The following SMARCA1 variants were observed in gnomAD, a reference collection of about 807,000 sequenced individuals.
The protein encoded by SMARCA1 is SWI/SNF-related matrix-associated actin-dependent regulator of chromatin subfamily A member 1.
Under a neutral mutation model 93.6 loss-of-function variants are expected in SMARCA1, and 17 were observed. The ratio of observed to expected loss-of-function variants is 0.18; its 90% CI spans 0.12 to 0.27. The LOEUF (loss-of-function observed/expected upper bound fraction) is 0.27. SMARCA1 is among the 10% of genes least tolerant of loss of function. The pLI is 1.00. For synonymous variants in SMARCA1, 271 were observed against 271.4 expected (o/e 1.00, Z 0.01); for missense variants, 630 against 819.0 (o/e 0.77, Z 2.82).
In SMARCA1 at chrX:129,511,905, C is replaced by T. The variant is rs768566024; in HGVS notation, c.709G>A (p.Val237Ile). 10 of 1,205,568 alleles carry T rather than the reference C, an allele frequency of 8.3e-6. No homozygotes were observed. In the South Asian group the frequency reaches 8.9e-5, roughly 11 times the overall value. ...HYRNIPGPHMVLVPKSTLHNW... is the reference protein window; with the variant it reads ...HYRNIPGPHMILVPKSTLHNW... ...TGTAAAGTAGACTTTGGAACTAAAACCATGTGAGGTCCAGGAATATTTCGG... is the reference window on the plus strand; with the variant it reads ...TGTAAAGTAGACTTTGGAACTAAAATCATGTGAGGTCCAGGAATATTTCGG... Residue 237 changes from valine (V) to isoleucine (I), a missense_variant, in exon 6 of 25, where the codon GTT becomes ATT. By Grantham distance (29) the Val-to-Ile change is conservative. Transcript: ENST00000371121.
intron 19 of SMARCA1, among the ~76,000 whole-genome samples, chrX:129,475,214 C>T (rs760203555): frequency 2.8e-4 from 30 of 108,684 alleles, no homozygotes; most frequent in African/African-American, 9.7e-4. Context: ...TTTCAAAGTA[C>T]TACATTATGA....
intron 17 of SMARCA1, among the ~76,000 whole-genome samples, chrX:129,482,192 G>A (rs1440758793): frequency 1.6e-5 from 1 of 63,403 alleles, no homozygotes; most frequent in Admixed American, 2.2e-4. Context: ...GGGGTGGGGG[G>A]AGGGGGGAGG....
At chrX:129,504,700 T>A in intron 9 of SMARCA1, 34 bp downstream of exon 9, 1 of 1,022,263 alleles carries the variant, frequency 9.8e-7, no homozygotes, top group Non-Finnish European at 1.4e-6. Context: ...GTATACTATT[T>A]AATTACTGAA....
At chrX:129,477,678 T>C (rs1357743975) in intron 19 of SMARCA1, among the ~76,000 whole-genome samples, 1 of 111,761 alleles carries the variant, frequency 8.9e-6, no homozygotes, top group Non-Finnish European at 1.9e-5. Context: ...AAAATAAGGA[T>C]GTAGTTCAAA....
chrX:129,479,985 A>G (rs1016340623), intron 19 of SMARCA1, among the ~76,000 whole-genome samples: 2 of 112,019 alleles, frequency 1.8e-5, no homozygotes, highest in African/African-American at 6.5e-5. Flanking sequence ...GGCATGAGCC[A>G]CTGCACCCGG....
intron 23 of SMARCA1, among the ~76,000 whole-genome samples, chrX:129,454,097 T>C (rs1932459876): frequency 9.0e-6 from 1 of 111,499 alleles, no homozygotes; most frequent in Non-Finnish European, 1.9e-5. Flanking sequence ...AACAGATATA[T>C]AGACCAATGG....
At chrX:129,475,816 T>C (rs1339252336) in intron 19 of SMARCA1, among the ~76,000 whole-genome samples, 2 of 112,262 alleles carry the variant, frequency 1.8e-5, no homozygotes, top group African/African-American at 6.5e-5. Context: ...CTGAATTAAA[T>C]GTGACACCAC....
intron 21 of SMARCA1, among the ~76,000 whole-genome samples, chrX:129,467,705 C>T (rs1932953261): frequency 9.0e-6 from 1 of 110,605 alleles, no homozygotes; most frequent in African/African-American, 3.3e-5. Context: ...CACTAGCATG[C>T]TAGATAAATT....
rs748089930 is a variant in SMARCA1, at chrX:129,490,147, G to A, written c.1861C>T (p.Arg621Cys). The change falls in exon 15 of 25, where the codon CGT becomes TGT. Residue 621 changes from arginine to cysteine, a missense_variant. Arg to Cys is a radical substitution (Grantham distance 180). Coordinates refer to ENST00000371121, the MANE Select transcript of SMARCA1 (RefSeq NM_001282874.2). ...TCAACAGTGTTGTCAGTGATGAGACGGAATACACGTACTGGTTTCTTCTGA... is the reference window on the plus strand; with the variant it reads ...TCAACAGTGTTGTCAGTGATGAGACAGAATACACGTACTGGTTTCTTCTGA... ...IGQKKPVRVFRLITDNTVEER... is the reference protein window; with the variant it reads ...IGQKKPVRVFCLITDNTVEER... 4 of 1,189,931 alleles carry A rather than the reference G, an allele frequency of 3.4e-6. No individual in the cohort carries two copies. In the Admixed American group the frequency reaches 6.5e-5, roughly 19 times the overall value.
At chrX:129,467,682 G>A (rs1932952336) in intron 21 of SMARCA1, among the ~76,000 whole-genome samples, 2 of 109,985 alleles carry the variant, frequency 1.8e-5, no homozygotes, top group Admixed American at 2.0e-4. Flanking sequence ...AATTAAATCT[G>A]GATTTCTTCA....
Position 129,447,112 on chromosome X carries a change from A to G in SMARCA1, c.*50T>C. The G allele has an allele frequency of 9.6e-7, 1 of 1,037,628 alleles. No individual in the cohort carries two copies. The highest frequency in any genetic ancestry group is 1.9e-5 in the African/African-American group (1 of 53,910). The allele number at this position is 1,037,628 out of a possible 1,213,427, so 85.5% of individuals were successfully genotyped here. On this transcript the variant is annotated 3_prime_UTR_variant, in exon 25 of 25. Coordinates refer to ENST00000371121, the MANE Select transcript of SMARCA1 (RefSeq NM_001282874.2). ...TGGAACTGGCAATTAGCATTTGAAGATGGGAACAAGAAAATAGCAGTTTCC... is the reference window on the plus strand; with the variant it reads ...TGGAACTGGCAATTAGCATTTGAAGGTGGGAACAAGAAAATAGCAGTTTCC...
Position 129,523,251 on chromosome X carries a change from G to A in SMARCA1, c.120C>T (p.Ala40=). 1 of 1,210,588 alleles carries A rather than the reference G, an allele frequency of 8.3e-7. No homozygotes were observed. Among genetic ancestry groups the A allele is most frequent in the South Asian group, 1.8e-5 (1 of 56,953 alleles). ...GPSTSQEEGA[A]AAATEATAAT... Reference sequence around the variant, plus strand: ...CCGCGGTGGCTTCGGTGGCCGCGGCGGCCGCTCCCTCCTCCTGAGAGGTGG... The same window carrying A: ...CCGCGGTGGCTTCGGTGGCCGCGGCAGCCGCTCCCTCCTCCTGAGAGGTGG... Residue 40 remains alanine, a synonymous_variant, in exon 1 of 25, where the codon GCC becomes GCT. Coordinates refer to ENST00000371121, the MANE Select transcript of SMARCA1 (RefSeq NM_001282874.2).
chrX:129,505,304 A>G (rs1016238778), intron 8 of SMARCA1, among the ~76,000 whole-genome samples: 1 of 111,296 alleles, frequency 9.0e-6, no homozygotes, highest in African/African-American at 3.3e-5. Flanking sequence ...TGAGGTCAGG[A>G]GTTCGAGACC....
chrX:129,518,978 T>C (rs1225170165), intron 1 of SMARCA1, among the ~76,000 whole-genome samples: 3 of 111,954 alleles, frequency 2.7e-5, no homozygotes, highest in Non-Finnish European at 3.8e-5. Flanking sequence ...TTTTATGTAA[T>C]GCAATGTGAT....
rs190087710 is a variant in SMARCA1, at chrX:129,477,760, T to G, written c.2442+2941A>C. Among the ~76,000 whole-genome samples the G allele has an allele frequency of 1.2e-3, 138 of 111,018 alleles. 1 individual carries two copies. The highest frequency in any genetic ancestry group is 4.0e-3 in the African/African-American group (123 of 30,527). On this transcript the variant is annotated intron_variant, in intron 19 of 24. Transcript: ENST00000371121. ...ATAAGTAACACATGTAAGGACTAAGTATCTGCTATTAGTATTACTTTACCA... is the reference window on the plus strand; with the variant it reads ...ATAAGTAACACATGTAAGGACTAAGGATCTGCTATTAGTATTACTTTACCA...
chrX:129,500,175 G>C (rs1360597575), intron 9 of SMARCA1, among the ~76,000 whole-genome samples: 1 of 109,177 alleles, frequency 9.2e-6, no homozygotes, highest in Non-Finnish European at 1.9e-5. Flanking sequence ...TTGTTTGTTT[G>C]TTTGTTTTTG....
In SMARCA1 at chrX:129,465,658, C is replaced by T; in HGVS notation, c.2892G>A (p.Glu964=). 1.7e-6 allele frequency: 2 copies of T among 1,203,041 alleles called. No individual in the cohort carries two copies. Among genetic ancestry groups the T allele is most frequent in the Non-Finnish European group, 2.2e-6 (2 of 889,224 alleles). Residue 964 remains glutamate, a synonymous_variant, in exon 23 of 25, where the codon GAG becomes GAA. Coordinates refer to ENST00000371121, the MANE Select transcript of SMARCA1 (RefSeq NM_001282874.2). ...TACAAATCAAGAATCTATCTTCTTCCTCAGTATAGTTCTTTCCTTTGCTGG... is the reference window on the plus strand; with the variant it reads ...TACAAATCAAGAATCTATCTTCTTCTTCAGTATAGTTCTTTCCTTTGCTGG... The part of the protein sequence containing the change: ...YGTSKGKNYT[E]EEDRFLICML...
In SMARCA1 at chrX:129,487,463, T is replaced by G. The variant is rs1333195436; in HGVS notation, c.2098-326A>C. Among the ~76,000 whole-genome samples, 6 of 112,816 alleles carry G rather than the reference T, an allele frequency of 5.3e-5. No homozygotes were observed. In the Admixed American group the frequency reaches 5.6e-4, roughly 11 times the overall value. ...AGCTAAGAGAAAGGCAAAGATGGAC[T>G]AAAAATACACATTTTGCATACTGGT... On this transcript the variant is annotated intron_variant, in intron 16 of 24. Transcript: ENST00000371121.
intron 17 of SMARCA1, among the ~76,000 whole-genome samples, chrX:129,482,753 T>C (rs1254678668): frequency 8.9e-6 from 1 of 112,109 alleles, no homozygotes; most frequent in African/African-American, 3.2e-5. Flanking sequence ...CAGACAAAAC[T>C]GACACTACAA....
Sources: gnomAD v4.1 joint callset for allele counts (sites outside exome capture counted in the v4.1 genomes callset) on GRCh38, gnomAD v4.1.1 for gene constraint, MANE v1.5 for transcripts, NCBI Gene and HGNC (gene_info 2026-07-23, HGNC 2026-07-21) for gene names.